Variants in TUBB8 observed in about 807,000 individuals in gnomAD.
TUBB8 encodes the protein tubulin beta-8 chain.
TUBB8 carries 25 observed loss-of-function variants against 33.7 expected under a neutral mutation model. The ratio of observed to expected loss-of-function variants is 0.74; its 90% CI spans 0.54 to 1.04. TUBB8 has a LOEUF of 1.04. Among genes scored for constraint, TUBB8 ranks in the 50% least tolerant of loss-of-function variants. The pLI is 0.00. For synonymous variants in TUBB8, 245 were observed against 240.1 expected, an observed-to-expected ratio of 1.02 and a Z score of -0.19; for missense variants, 279 against 608.0, an observed-to-expected ratio of 0.46 and a Z score of 5.69.
chr10:49,320 G>A (rs544563719), upstream of TUBB8: 23 of 1,420,204 alleles, frequency 1.6e-5, no homozygotes, highest in African/African-American at 3.0e-4. Context: ...CTCCGCCAAC[G>A]TTTAAATAGC....
intron 1 of TUBB8, among the ~76,000 whole-genome samples, chr10:54,668 T>C (rs1387301482): frequency 6.6e-6 from 1 of 152,244 alleles, no homozygotes; most frequent in Non-Finnish European, 1.5e-5. Flanking sequence ...ACTCTTTTAT[T>C]ATATTTTTTT....
rs34828119 is a variant in TUBB8 at position 48,879 on chromosome 10, C to G, written c.91G>C (p.Asp31His). The change falls in exon 2 of 4, where the codon GAC (aspartate) becomes CAC (histidine). Residue 31 changes from aspartate (D) to histidine (H), a missense_variant. Around this residue, in one of 4 missense-constraint regions of TUBB8, gnomAD observed 56 missense variants for 77.9 expected, o/e 0.72. Transcript: ENST00000568584. Reference sequence around the variant, plus strand: ...TCCCCGTGGTAGGTGCCAGCGGAGTCGATGGCATGTTCATCAGAGATCACC... The same window carrying G: ...TCCCCGTGGTAGGTGCCAGCGGAGTGGATGGCATGTTCATCAGAGATCACC... ...WEVISDEHAI[D>H]SAGTYHGDSH... 6 of 1,568,398 alleles carry G rather than the reference C, an allele frequency of 3.8e-6. No individual in the cohort carries two copies. Among genetic ancestry groups the G allele is most frequent in the Non-Finnish European group, 8.6e-7 (1 of 1,158,828 alleles).
chr10:48,974 C>T (rs1834419706), intron 1 of TUBB8, 62 bp from the exon 2 acceptor site: 2 of 890,006 alleles, frequency 2.2e-6, no homozygotes, highest in African/African-American at 1.7e-5. Context: ...CCCAGCCGCT[C>T]TCCCACCCCC....
upstream of TUBB8, among the ~76,000 whole-genome samples, chr10:52,367 G>T (rs1554739691): frequency 6.6e-6 from 1 of 152,190 alleles, no homozygotes; most frequent in East Asian, 1.9e-4. Context: ...AGAAAAGAGG[G>T]TCCTGACACA....
intron 1 of TUBB8, 88 bp downstream of exon 1, chr10:49,094 A>C: frequency 7.0e-7 from 1 of 1,425,090 alleles, no homozygotes; most frequent in Non-Finnish European, 9.5e-7. Flanking sequence ...AGGGGCCGCA[A>C]TGCATGGGCA....
chr10:66,115 G>A (rs1304234835), intron 1 of TUBB8, among the ~76,000 whole-genome samples: 2 of 152,150 alleles, frequency 1.3e-5, no homozygotes, highest in African/African-American at 2.4e-5. Context: ...ATTCAACACT[G>A]TACGGGAAGT....
chr10:48,539 G>T (rs535338113), intron 3 of TUBB8, 76 bp downstream of exon 3: 7 of 1,394,976 alleles, frequency 5.0e-6, no homozygotes, highest in African/African-American at 2.8e-5. Context: ...GTTCCCAGAG[G>T]ATGACCTTAG....
At chr10:48,946 G>C in intron 1 of TUBB8, 34 bp from the exon 2 acceptor site, 1 of 1,414,220 alleles carries the variant, frequency 7.1e-7, no homozygotes, top group Non-Finnish European at 9.7e-7. Context: ...ACAGGCCGGG[G>C]CTGAGTCAGG....
chr10:67,256 G>C (rs1210031310), intron 1 of TUBB8, among the ~76,000 whole-genome samples: 2 of 151,252 alleles, frequency 1.3e-5, no homozygotes, highest in African/African-American at 4.8e-5. Context: ...CGTTGGGATT[G>C]TAACAGGAAT....
At chr10:54,905 C>G (rs1554739987) in intron 1 of TUBB8, among the ~76,000 whole-genome samples, 1 of 152,122 alleles carries the variant, frequency 6.6e-6, no homozygotes, top group African/African-American at 2.4e-5. Context: ...TTACAGGCAC[C>G]TGACATGATG....
intron 1 of TUBB8, among the ~76,000 whole-genome samples, chr10:73,280 C>T (rs1276480620): frequency 5.3e-5 from 8 of 152,220 alleles, no homozygotes; most frequent in Non-Finnish European, 1.2e-4. Flanking sequence ...GTGGCGTGAG[C>T]ATGATAATGT....
intron 1 of TUBB8, among the ~76,000 whole-genome samples, chr10:59,794 C>A (rs1211333975): frequency 6.6e-6 from 1 of 152,154 alleles, no homozygotes; most frequent in Non-Finnish European, 1.5e-5. Context: ...TTTATTATGG[C>A]TTTAATTTTG....
At chr10:65,203 C>T (rs1834655187) in intron 1 of TUBB8, among the ~76,000 whole-genome samples, 1 of 152,158 alleles carries the variant, frequency 6.6e-6, no homozygotes, top group Non-Finnish European at 1.5e-5. Flanking sequence ...TCTTGCTAAC[C>T]CTAAACCCTG....
chr10:53,919 T>C (rs1421412141), upstream of TUBB8, among the ~76,000 whole-genome samples: 1 of 152,276 alleles, frequency 6.6e-6, no homozygotes, highest in South Asian at 2.1e-4. Flanking sequence ...TTTTTGTGGG[T>C]ACATAGTTGG....
At chr10:49,887 G>A (rs1307347873), upstream of TUBB8, 2 of 207,642 alleles carry the variant, frequency 9.6e-6, no homozygotes, top group African/African-American at 4.7e-5. Context: ...TTAAAGCTGA[G>A]GACAGGTTTT....
chr10:53,925 G>C (rs1187393878), upstream of TUBB8, among the ~76,000 whole-genome samples: 1 of 152,272 alleles, frequency 6.6e-6, no homozygotes, highest in Non-Finnish European at 1.5e-5. Flanking sequence ...TGGGTACATA[G>C]TTGGTGTATA....
chr10:74,454 C>T (rs1267022316), upstream of TUBB8, among the ~76,000 whole-genome samples: 1 of 147,332 alleles, frequency 6.8e-6, no homozygotes, highest in Admixed American at 6.8e-5. Flanking sequence ...TGGTAAAATC[C>T]CATCTCTACT....
chr10:68,351 T>C (rs1331697793), intron 1 of TUBB8, among the ~76,000 whole-genome samples: 1 of 152,116 alleles, frequency 6.6e-6, no homozygotes, highest in Non-Finnish European at 1.5e-5. Flanking sequence ...ACTGATATGA[T>C]GCACACAATA....
chr10:68,214 A>G (rs1834695607), intron 1 of TUBB8, among the ~76,000 whole-genome samples: 1 of 152,208 alleles, frequency 6.6e-6, no homozygotes, highest in Non-Finnish European at 1.5e-5. Flanking sequence ...CTGCTGTGAC[A>G]CCCATAAGAC....
Sources: gnomAD v4.1 joint callset for allele counts (sites outside exome capture counted in the v4.1 genomes callset) on GRCh38, gnomAD v4.1.1 for gene constraint, gnomAD v4.1.1 regional missense constraint, MANE v1.5 for transcripts, NCBI Gene and HGNC (gene_info 2026-07-23, HGNC 2026-07-21) for gene names.